Variants in HIRA observed in about 807,000 individuals in gnomAD.
The protein encoded by HIRA is histone cell cycle regulator, also known as protein HIRA.
A neutral mutation model predicts 126.6 loss-of-function variants in HIRA; 13 were observed. That is an observed-to-expected ratio of 0.10 (90% CI 0.07 to 0.16). HIRA has a LOEUF of 0.16. Ranked by LOEUF, HIRA falls within the 10% of genes least tolerant of loss-of-function variation. HIRA has a pLI of 1.00. For synonymous variants in HIRA, 511 were observed against 520.0 expected (o/e 0.98, Z 0.24); for missense variants, 834 against 1,314.4 (o/e 0.63, Z 5.65).
intron 1 of HIRA, among the ~76,000 whole-genome samples, chr22:19,416,628 T>C (rs2089401237): frequency 6.6e-6 from 1 of 152,140 alleles, no homozygotes; most frequent in African/African-American, 2.4e-5. Context: ...CGTGCACCAC[T>C]GCATCTGACC....
chr22:19,416,324 T>C (rs1016552368), intron 1 of HIRA, among the ~76,000 whole-genome samples: 3 of 152,138 alleles, frequency 2.0e-5, no homozygotes, highest in Non-Finnish European at 4.4e-5. Flanking sequence ...TTTTTCTTTC[T>C]TTCTTTTCTT....
At chr22:19,420,730 T>C (rs572633247) in intron 1 of HIRA, among the ~76,000 whole-genome samples, 1 of 152,056 alleles carries the variant, frequency 6.6e-6, no homozygotes, top group South Asian at 2.1e-4. Context: ...AAAAAAGTTA[T>C]CTGCAAGGGT....
In HIRA at chr22:19,356,979, A is replaced by G; in HGVS notation, c.2307T>C (p.Ser769=). The part of the protein sequence containing the change: ...VFSTCGRRLL[S]PILLPSPIST... ...AGATCGGGGATGGCAGGAGGATGGG[A>G]GAGAGGAGACGGCGACCACAGGTGG... The change falls in exon 19 of 25, where the codon TCT becomes TCC. Residue 769 remains serine (S), a synonymous_variant. Coordinates refer to ENST00000263208, the MANE Select transcript of HIRA (RefSeq NM_003325.4). The G allele has an allele frequency of 6.2e-7, 1 of 1,613,866 alleles. No individual in the cohort carries two copies.
chr22:19,410,828 T>C (rs2089346658), intron 1 of HIRA, 50 bp from the exon 2 acceptor site: 1 of 1,429,888 alleles, frequency 7.0e-7, no homozygotes, highest in East Asian at 2.3e-5. Context: ...TTTTATTCAT[T>C]GAAGTGTATC....
intron 24 of HIRA, among the ~76,000 whole-genome samples, chr22:19,335,275 C>T (rs118045740): frequency 2.0e-5 from 3 of 151,346 alleles, no homozygotes; most frequent in East Asian, 1.9e-4. Flanking sequence ...CAGGGTCTTG[C>T]GCTCTGTTGC....
chr22:19,385,331 T>C (rs2089116632), intron 12 of HIRA, among the ~76,000 whole-genome samples, 190 bp downstream of exon 12: 2 of 152,160 alleles, frequency 1.3e-5, no homozygotes, highest in East Asian at 3.9e-4. Context: ...AGGCCTTTGA[T>C]AAAGAGGATC....
At chr22:19,422,171 T>TCACAC (rs2089451677) in intron 1 of HIRA, among the ~76,000 whole-genome samples, 1 of 143,134 alleles carries the variant, frequency 7.0e-6, no homozygotes, top group African/African-American at 2.6e-5. Context: ...TGTTTATATA[T>TCACAC]ACACACACAC....
chr22:19,338,688 A>C lies in HIRA; in HGVS notation c.2938-7132T>G, dbSNP rs576029658. Among the ~76,000 whole-genome samples the C allele has an allele frequency of 2.6e-5, 4 of 152,362 alleles. No homozygotes were observed. The South Asian group carries it at 8.3e-4, about 32-fold the overall frequency. On this transcript the variant is annotated intron_variant, in intron 24 of 24. Transcript: ENST00000263208. ...GCTATTCTTATATCAGACAAAACAG[A>C]CTTTAAAGCAACAATAGTTGAAAAA...
chr22:19,356,312 T>C, intron 19 of HIRA, 24 bp from the exon 20 acceptor site: 1 of 1,609,626 alleles, frequency 6.2e-7, no homozygotes, highest in Non-Finnish European at 8.5e-7. Context: ...AGGGAACAGT[T>C]TACTCACCAA....
Position 19,431,700 on chromosome 22 carries a change from T to G in HIRA, c.-224A>C. On this transcript the variant is annotated 5_prime_UTR_variant, in exon 1 of 25. Transcript: ENST00000263208. ...CCGCCGCCACCACAGCCGCATCCCC[T>G]GCGCCGCTCCTCCTCAGGCGGCTCC... is the stretch of plus-strand genomic sequence containing the variant. The G allele has an allele frequency of 5.4e-6, 2 of 368,250 alleles. No individual in the cohort carries two copies. Among genetic ancestry groups the G allele is most frequent in the Non-Finnish European group, 9.0e-6 (2 of 221,460 alleles). The allele number at this position is 368,250 out of a possible 1,614,324, so 22.8% of individuals were successfully genotyped here.
intron 17 of HIRA, 120 bp from the exon 18 acceptor site, chr22:19,359,604 C>T: frequency 8.6e-7 from 1 of 1,167,020 alleles, no homozygotes; most frequent in Non-Finnish European, 1.1e-6. Context: ...GACTGGCTGG[C>T]CAAGAGAGGA....
intron 7 of HIRA, among the ~76,000 whole-genome samples, chr22:19,394,757 G>A (rs1286765391): frequency 3.9e-5 from 6 of 152,186 alleles, no homozygotes; most frequent in African/African-American, 1.4e-4. Context: ...ATATAGTACA[G>A]AAGTGTATGC....
chr22:19,337,410 G>C (rs528962287), intron 24 of HIRA, among the ~76,000 whole-genome samples: 76 of 152,008 alleles, frequency 5.0e-4, no homozygotes, highest in African/African-American at 1.8e-3. Context: ...AAGTAGAAGA[G>C]AGAACTTCAG....
chr22:19,379,980 T>C (rs954749519), intron 13 of HIRA, among the ~76,000 whole-genome samples: 9 of 152,160 alleles, frequency 5.9e-5, no homozygotes, highest in Non-Finnish European at 1.0e-4. Flanking sequence ...AGCTAATTTT[T>C]ATATTTTTTA....
intron 2 of HIRA, among the ~76,000 whole-genome samples, 170 bp from the exon 3 acceptor site, chr22:19,408,763 A>G (rs771063211): frequency 3.3e-4 from 50 of 152,252 alleles, no homozygotes; most frequent in Non-Finnish European, 5.9e-4. Context: ...AGAAAAGATG[A>G]TAAGTACTCA....
chr22:19,431,715 C>A lies in HIRA; in HGVS notation c.-239G>T. The A allele has an allele frequency of 2.8e-6, 1 of 354,742 alleles. No individual in the cohort carries two copies. The highest frequency in any genetic ancestry group is 4.8e-6 in the Non-Finnish European group (1 of 208,124). 22.0% of individuals were successfully genotyped at this position (354,742 alleles called of 1,614,324 possible). On this transcript the variant is annotated 5_prime_UTR_variant, in exon 1 of 25. Coordinates refer to ENST00000263208, the MANE Select transcript of HIRA (RefSeq NM_003325.4). ...CCGCATCCCCTGCGCCGCTCCTCCT[C>A]AGGCGGCTCCCGGGCAACGCCGGAA...
intron 1 of HIRA, among the ~76,000 whole-genome samples, chr22:19,413,434 T>A (rs2089369957): frequency 6.6e-6 from 1 of 152,034 alleles, no homozygotes; most frequent in Non-Finnish European, 1.5e-5. Flanking sequence ...GCCTGGTTCA[T>A]TGGCACCAGG....
chr22:19,410,237 G>A lies in HIRA; in HGVS notation c.100+479C>T, dbSNP rs1162038136. On this transcript the variant is annotated intron_variant, in intron 2 of 24. Transcript: ENST00000263208. Reference sequence around the variant, plus strand: ...ACCAATAACAGTTTCAAATGGTGTGGGCTTTCTTACTTGCCCACAGTGTGC... The same window carrying A: ...ACCAATAACAGTTTCAAATGGTGTGAGCTTTCTTACTTGCCCACAGTGTGC... 2.6e-5 allele frequency among the ~76,000 whole-genome samples: 4 copies of A among 152,230 alleles called. No homozygotes were observed. In the East Asian group the frequency reaches 7.7e-4, roughly 29 times the overall value.
intron 21 of HIRA, 123 bp downstream of exon 21, chr22:19,355,637 T>A (rs1044662755): frequency 7.6e-5 from 51 of 675,002 alleles, no homozygotes; most frequent in Non-Finnish European, 1.2e-4. Flanking sequence ...CAGCCTGCAC[T>A]CCAGGGCCTG....
Sources: gnomAD v4.1 joint callset for allele counts (sites outside exome capture counted in the v4.1 genomes callset) on GRCh38, gnomAD v4.1.1 for gene constraint, MANE v1.5 for transcripts, NCBI Gene and HGNC (gene_info 2026-07-23, HGNC 2026-07-21) for gene names.